The following THOC2 variants were observed in gnomAD, a reference collection of about 807,000 sequenced individuals.
THOC2 encodes the protein THO complex subunit 2.
THOC2 carries 10 observed loss-of-function variants against 128.4 expected under a neutral mutation model. That is an observed-to-expected ratio of 0.08 (90% CI 0.05 to 0.13). The LOEUF is 0.13. Ranked by LOEUF, THOC2 falls within the 10% of genes least tolerant of loss-of-function variation. THOC2 has a pLI of 1.00. For synonymous variants in THOC2, 393 were observed against 396.9 expected, an observed-to-expected ratio of 0.99 and a Z score of 0.12; for missense variants, 535 against 1,155.7, an observed-to-expected ratio of 0.46 and a Z score of 7.79.
intron 8 of THOC2, among the ~76,000 whole-genome samples, chrX:123,677,913 G>A (rs2049574989): frequency 1.9e-5 from 2 of 106,770 alleles, no homozygotes; most frequent in Admixed American, 2.0e-4. Context: ...TTTTAAACAT[G>A]TTTGTTAAAA....
intron 12 of THOC2, among the ~76,000 whole-genome samples, chrX:123,646,855 G>A (rs1320191940): frequency 2.7e-5 from 3 of 111,263 alleles, no homozygotes; most frequent in Non-Finnish European, 5.7e-5. Context: ...GGTGTACATT[G>A]GGAAGCAAAA....
chrX:123,695,413 T>C (rs1172321408), intron 7 of THOC2, among the ~76,000 whole-genome samples: 1 of 112,382 alleles, frequency 8.9e-6, no homozygotes, highest in East Asian at 2.8e-4. Context: ...CTACAGGAAT[T>C]CTACTTAAAG....
chrX:123,638,531 C>A (rs1023068341), intron 17 of THOC2, among the ~76,000 whole-genome samples: 2 of 110,650 alleles, frequency 1.8e-5, no homozygotes, highest in East Asian at 5.7e-4. Flanking sequence ...TGGTAGCACA[C>A]GCCTATAATC....
chrX:123,606,535 A>C (rs1387589227), intron 38 of THOC2, among the ~76,000 whole-genome samples: 1 of 111,598 alleles, frequency 9.0e-6, no homozygotes, highest in Non-Finnish European at 1.9e-5. Context: ...TAGAGGTTGC[A>C]GTGAGCCAAG....
At chrX:123,709,352 G>A (rs973477234) in intron 2 of THOC2, among the ~76,000 whole-genome samples, 5 of 111,482 alleles carry the variant, frequency 4.5e-5, no homozygotes, top group South Asian at 3.8e-4. Flanking sequence ...AGCACTTTGG[G>A]AGGCTGAGGC....
chrX:123,649,812 G>C (rs747904912), intron 12 of THOC2, among the ~76,000 whole-genome samples: 1 of 111,609 alleles, frequency 9.0e-6, no homozygotes, highest in African/African-American at 3.3e-5. Context: ...TATGTGAAAA[G>C]ACCAAACCTA....
chrX:123,670,994 T>G (rs756836911), intron 9 of THOC2, among the ~76,000 whole-genome samples: 2 of 111,532 alleles, frequency 1.8e-5, no homozygotes, highest in South Asian at 3.8e-4. Context: ...TGTTTTAAAT[T>G]AATAGATATC....
intron 1 of THOC2, among the ~76,000 whole-genome samples, chrX:123,715,690 C>T (rs937783059): frequency 9.6e-6 from 1 of 104,541 alleles, no homozygotes; most frequent in Non-Finnish European, 1.9e-5. Context: ...GGGGCTGAGG[C>T]GGGAGGATCA....
At chrX:123,650,582 A>G (rs1052599577) in intron 12 of THOC2, among the ~76,000 whole-genome samples, 1 of 112,036 alleles carries the variant, frequency 8.9e-6, no homozygotes, top group Non-Finnish European at 1.9e-5. Flanking sequence ...GCAAAGACAC[A>G]CATAGGCTCA....
chrX:123,609,857 C>A (rs1378959611), intron 38 of THOC2, among the ~76,000 whole-genome samples: 1 of 109,624 alleles, frequency 9.1e-6, no homozygotes, highest in Non-Finnish European at 1.9e-5. Flanking sequence ...GGTGAAACCC[C>A]ATCTCTACTA....
At chrX:123,657,972 T>C (rs866791704) in intron 12 of THOC2, among the ~76,000 whole-genome samples, 2 of 106,919 alleles carry the variant, frequency 1.9e-5, no homozygotes, top group Non-Finnish European at 3.9e-5. Context: ...TGTGTGTGTG[T>C]GTGTGTGTGT....
chrX:123,640,929 T>C (rs1389718650), intron 15 of THOC2, among the ~76,000 whole-genome samples: 2 of 111,974 alleles, frequency 1.8e-5, no homozygotes, highest in Non-Finnish European at 3.8e-5. Context: ...TACATAAAAC[T>C]CTTCTTACAA....
intron 33 of THOC2, among the ~76,000 whole-genome samples, chrX:123,615,840 A>G (rs911095929): frequency 2.7e-5 from 3 of 111,281 alleles, no homozygotes; most frequent in Non-Finnish European, 5.7e-5. Context: ...TTCTTAGTTC[A>G]GAATGTACCC....
At chrX:123,610,800 T>C (rs2046673372) in intron 38 of THOC2, 118 bp downstream of exon 38, 1 of 569,021 alleles carries the variant, frequency 1.8e-6, no homozygotes, top group Non-Finnish European at 2.8e-6. Context: ...TTGGTCGTTA[T>C]ATTTAGGTGA....
rs758852222 is a variant in THOC2 at position 123,623,214 on chromosome X, G to A, written c.3573C>T (p.Pro1191=). Reference sequence around the variant, plus strand: ...CACTGGCAACTGCATTCCTCGGAGGGGGGTCTTTGTGATGAAACTCATTTT... The same window carrying A: ...CACTGGCAACTGCATTCCTCGGAGGAGGGTCTTTGTGATGAAACTCATTTT... ...IPENEFHHKD[P]PPRNAVASVQ... is the part of the protein sequence containing the mutation. Residue 1191 remains proline (P), a synonymous_variant, in exon 29 of 39, where the codon CCC becomes CCT. Transcript: ENST00000245838. 5.8e-6 allele frequency: 7 copies of A among 1,210,478 alleles called. No homozygotes were observed. The Admixed American group carries it at 1.5e-4, about 26-fold the overall frequency.
chrX:123,604,120 C>A lies in THOC2; in HGVS notation c.*19-2782G>T, dbSNP rs144546310. Among the ~76,000 whole-genome samples the A allele has an allele frequency of 4.9e-3, 554 of 112,272 alleles. 2 individuals are homozygous for A. The highest frequency in any genetic ancestry group is 8.3e-3 in the Non-Finnish European group (442 of 53,276). On this transcript the variant is annotated intron_variant, in intron 38 of 38. Transcript: ENST00000245838. Reference sequence around the variant, plus strand: ...AGTGTAAGTTCTGAATGTAAGGGATCACACAGATCTATCTTTTTCACATCT... The same window carrying A: ...AGTGTAAGTTCTGAATGTAAGGGATAACACAGATCTATCTTTTTCACATCT...
At chrX:123,628,282 T>G (rs141750883) in intron 22 of THOC2, among the ~76,000 whole-genome samples, 1,880 of 111,414 alleles carry the variant, frequency 0.017, 46 homozygotes, top group African/African-American at 0.057. Context: ...CCCTACTCCC[T>G]CTTGCTGCTG....
At chrX:123,669,369 G>C (rs1305704769) in intron 9 of THOC2, among the ~76,000 whole-genome samples, 1 of 108,405 alleles carries the variant, frequency 9.2e-6, no homozygotes, top group Non-Finnish European at 1.9e-5. Context: ...GCCCAGGCTG[G>C]AGTGAAATGG....
intron 14 of THOC2, 37 bp from the exon 15 acceptor site, chrX:123,644,713 A>C: frequency 8.6e-7 from 1 of 1,166,394 alleles, no homozygotes. Context: ...AGGAAAAGTT[A>C]AACACTTAGA....
Sources: allele counts gnomAD v4.1 joint callset (sites outside exome capture counted in the v4.1 genomes callset), GRCh38; gene constraint gnomAD v4.1.1; transcripts MANE v1.5; gene names NCBI Gene and HGNC (gene_info 2026-07-23, HGNC 2026-07-21).